Variants in MDFIC2 observed in about 807,000 individuals in gnomAD.
MDFIC2 encodes the protein myoD family inhibitor domain-containing protein 2.
intron 2 of MDFIC2, among the ~76,000 whole-genome samples, chr3:70,217,233 C>T (rs1701421395): frequency 6.6e-6 from 1 of 152,108 alleles, no homozygotes; most frequent in African/African-American, 2.4e-5. Flanking sequence ...GCATTTCTTA[C>T]ATGGTGAATC....
Position 70,261,019 on chromosome 3 carries a change from A to G in MDFIC2, c.88+50867T>C, listed in dbSNP as rs74741470. Among the ~76,000 whole-genome samples, 7 of 152,240 alleles carry G rather than the reference A, an allele frequency of 4.6e-5. No homozygotes were observed. In the South Asian group the frequency reaches 1.5e-3, roughly 32 times the overall value. Reference sequence around the variant, plus strand: ...GGTCTCTTGAAAAATTCCGCTTGACATGAAACAGACCTTGCACAAATTATT... The same window carrying G: ...GGTCTCTTGAAAAATTCCGCTTGACGTGAAACAGACCTTGCACAAATTATT... On this transcript the variant is annotated intron_variant, in intron 2 of 3. Transcript: ENST00000567252.
intron 2 of MDFIC2, among the ~76,000 whole-genome samples, chr3:70,301,699 C>T (rs1383981019): frequency 6.6e-6 from 1 of 151,870 alleles, no homozygotes; most frequent in Admixed American, 6.6e-5. Flanking sequence ...TAATTTGTGG[C>T]CTGAATATAG....
At chr3:70,249,624 T>C (rs1701740824) in intron 2 of MDFIC2, 1 of 152,124 alleles carries the variant, frequency 6.6e-6, no homozygotes, top group East Asian at 1.9e-4. Flanking sequence ...GAAAGAAATG[T>C]AATGTTTTGG....
intron 2 of MDFIC2, among the ~76,000 whole-genome samples, chr3:70,207,942 A>G (rs2106725719): frequency 6.6e-6 from 1 of 152,128 alleles, no homozygotes; most frequent in African/African-American, 2.4e-5. Context: ...GCTGGGCTGT[A>G]TATTGGGGAT....
At chr3:70,312,001 A>C in intron 1 of MDFIC2, 28 bp from the exon 2 acceptor site, 1 of 397,598 alleles carries the variant, frequency 2.5e-6, no homozygotes, top group Non-Finnish European at 4.4e-6. Flanking sequence ...TTGTGATATA[A>C]AAAATTCATT....
At chr3:70,231,659 GGAGA>G (rs937816255) in intron 2 of MDFIC2, among the ~76,000 whole-genome samples, 1 of 151,996 alleles carries the variant, frequency 6.6e-6, no homozygotes, top group East Asian at 1.9e-4. Flanking sequence ...AACACGCTAA[GGAGA>G]GAGAGAGAAG....
intron 2 of MDFIC2, among the ~76,000 whole-genome samples, chr3:70,271,526 C>T (rs971749959): frequency 2.0e-5 from 3 of 152,176 alleles, no homozygotes; most frequent in Non-Finnish European, 2.9e-5. Context: ...TAACAAACAT[C>T]ACCCTGGCCT....
chr3:70,227,471 A>G (rs146501469), intron 2 of MDFIC2, among the ~76,000 whole-genome samples: 118 of 152,326 alleles, frequency 7.7e-4, no homozygotes, highest in African/African-American at 2.6e-3. Flanking sequence ...CTTTGGCAAT[A>G]TGGAGGTCAT....
chr3:70,215,771 T>C (rs919315864), intron 2 of MDFIC2, among the ~76,000 whole-genome samples: 2 of 152,116 alleles, frequency 1.3e-5, no homozygotes, highest in Admixed American at 6.6e-5. Context: ...AGAAAGCAAG[T>C]AATAAATACA....
chr3:70,244,604 C>A (rs1450138537), intron 2 of MDFIC2, among the ~76,000 whole-genome samples: 1 of 152,168 alleles, frequency 6.6e-6, no homozygotes, highest in South Asian at 2.1e-4. Flanking sequence ...ATGAAACTGA[C>A]ACAAACAGGC....
chr3:70,289,187 G>A (rs1209491592), intron 2 of MDFIC2, among the ~76,000 whole-genome samples: 1 of 150,184 alleles, frequency 6.7e-6, no homozygotes, highest in African/African-American at 2.4e-5. Context: ...TGATTTTGCA[G>A]CGGCTGGTAC....
At chr3:70,248,652 C>G (rs769678209) in intron 2 of MDFIC2, among the ~76,000 whole-genome samples, 2 of 151,990 alleles carry the variant, frequency 1.3e-5, no homozygotes, top group Non-Finnish European at 2.9e-5. Flanking sequence ...ACAGTAAAGA[C>G]AGGAGTTAAT....
chr3:70,268,474 C>CAAAAAAA (rs66482424), intron 2 of MDFIC2, among the ~76,000 whole-genome samples: 1 of 96,588 alleles, frequency 1.0e-5, no homozygotes, highest in Non-Finnish European at 2.0e-5. Flanking sequence ...GACTCCGTCT[C>CAAAAAAA]AAAAAAAAAA....
In MDFIC2 at chr3:70,209,055, T is replaced by C. The variant is rs1373321970; in HGVS notation, c.89-2265A>G. Among the ~76,000 whole-genome samples the C allele has an allele frequency of 7.2e-5, 11 of 152,194 alleles. 2 individuals are homozygous for C. The South Asian group carries it at 1.7e-3, about 23-fold the overall frequency. ...AGAGGGATTCACCAAATTAATGATA[T>C]AATGATGATGATGGTGATGAAAATC... On this transcript the variant is annotated intron_variant, in intron 2 of 3. Transcript: ENST00000567252.
intron 2 of MDFIC2, among the ~76,000 whole-genome samples, chr3:70,207,974 G>C (rs575128648): frequency 6.6e-6 from 1 of 152,008 alleles, no homozygotes; most frequent in African/African-American, 2.4e-5. Flanking sequence ...TAAGACAGGC[G>C]TGGACCTTGA....
chr3:70,312,099 A>G, intron 1 of MDFIC2, 126 bp from the exon 2 acceptor site: 1 of 389,938 alleles, frequency 2.6e-6, no homozygotes, highest in Non-Finnish European at 4.5e-6. Context: ...TTTTCAGTTC[A>G]CTGTCCAATG....
chr3:70,266,323 G>A (rs1441197032), intron 2 of MDFIC2, among the ~76,000 whole-genome samples: 1 of 151,914 alleles, frequency 6.6e-6, no homozygotes, highest in Non-Finnish European at 1.5e-5. Flanking sequence ...ACACTGTTTT[G>A]ATTAAACTGT....
chr3:70,262,246 G>A (rs140419161), intron 2 of MDFIC2, among the ~76,000 whole-genome samples: 3 of 152,150 alleles, frequency 2.0e-5, no homozygotes, highest in African/African-American at 2.4e-5. Flanking sequence ...TACCAATAAC[G>A]TGAGACTGAA....
chr3:70,235,218 C>T (rs1036680581), intron 2 of MDFIC2, among the ~76,000 whole-genome samples: 7 of 152,140 alleles, frequency 4.6e-5, no homozygotes, highest in East Asian at 3.9e-4. Context: ...CTTCATCAAC[C>T]GTCGTTCTCT....
Sources: allele counts gnomAD v4.1 joint callset (sites outside exome capture counted in the v4.1 genomes callset), GRCh38; gene constraint gnomAD v4.1.1; transcripts MANE v1.5; gene names NCBI Gene and HGNC (gene_info 2026-07-23, HGNC 2026-07-21).